The following MRPS23 variants were observed in gnomAD, a reference collection of about 807,000 sequenced individuals.
MRPS23 encodes mitochondrial ribosomal protein S23.
In MRPS23, 14 loss-of-function variants were observed where a neutral mutation model predicts 19.8. The observed-to-expected ratio is 0.71, with a 90% CI of 0.47 to 1.11. The LOEUF is 1.11. Ranked by LOEUF, MRPS23 falls within the 50% of genes least tolerant of loss-of-function variation. MRPS23 has a pLI of 0.00. For missense variants in MRPS23, 242 were observed against 236.7 expected, an observed-to-expected ratio of 1.02 and a Z score of -0.15; for synonymous variants, 113 against 89.7, an observed-to-expected ratio of 1.26 and a Z score of -1.47.
In MRPS23 at chr17:57,848,410, T is replaced by C. The variant is rs1415497508; in HGVS notation, c.215+830A>G. ...CAAATTCCTAGTGATTGTCTCTCTC[T>C]GTCGCCCAGGCTGGAGTGCAGTGGT... On this transcript the variant is annotated intron_variant, in intron 2 of 4. Coordinates refer to ENST00000313608, the MANE Select transcript of MRPS23 (RefSeq NM_016070.4). 2.6e-5 allele frequency among the ~76,000 whole-genome samples: 4 copies of C among 152,126 alleles called. No individual in the cohort carries two copies. In the East Asian group the frequency reaches 7.7e-4, roughly 29 times the overall value.
At chr17:57,839,999 G>GAT (rs2073730960) in intron 4 of MRPS23, 64 bp from the exon 5 acceptor site, 6 of 1,580,764 alleles carry the variant, frequency 3.8e-6, no homozygotes, top group Non-Finnish European at 5.2e-6. Context: ...ATTCGCTAAA[G>GAT]ATATATAACT....
At chr17:57,839,959 C>T (rs1225442362) in intron 4 of MRPS23, 24 bp from the exon 5 acceptor site, 2 of 1,611,068 alleles carry the variant, frequency 1.2e-6, no homozygotes, top group East Asian at 2.2e-5. Context: ...ATTTAAGTAT[C>T]ACAGAGATGT....
chr17:57,839,939 A>C lies in MRPS23; in HGVS notation c.421-4T>G, dbSNP rs767800246. 1.5e-5 allele frequency: 25 copies of C among 1,614,038 alleles called. No homozygotes were observed. Among genetic ancestry groups the C allele is most frequent in the Non-Finnish European group, 2.1e-5 (25 of 1,179,874 alleles). ...AAACGTGACTACCTCCGTGTTGCTT[A>C]AAAGACCAGATTTAAGTATCACAGA... On this transcript the variant is annotated splice_region_variant and splice_polypyrimidine_tract_variant and intron_variant, in intron 4 of 4. Transcript: ENST00000313608.
intron 2 of MRPS23, among the ~76,000 whole-genome samples, chr17:57,848,453 CA>C (rs2073790572): frequency 6.6e-6 from 1 of 152,002 alleles, no homozygotes; most frequent in Admixed American, 6.6e-5. Flanking sequence ...CGGCTCACTG[CA>C]ACCTCCACCT....
chr17:57,840,971 T>C lies in MRPS23; in HGVS notation c.375A>G (p.Leu125=). 1.2e-6 allele frequency: 2 copies of C among 1,614,194 alleles called. No homozygotes were observed. Among genetic ancestry groups the C allele is most frequent in the South Asian group, 2.2e-5 (2 of 91,082 alleles). The part of the protein sequence containing the change: ...EKLFVETGKA[L]LAEGVILRRV... ...GTCTTAAAATGACACCTTCTGCCAA[T>C]AAAGCCTTCCCTGTTTCCACAAATA... The change falls in exon 4 of 5, where the codon TTA becomes TTG. Residue 125 remains leucine, a synonymous_variant. Transcript: ENST00000313608.
chr17:57,840,119 G>A (rs998850270), intron 4 of MRPS23, among the ~76,000 whole-genome samples, 184 bp from the exon 5 acceptor site: 2 of 152,232 alleles, frequency 1.3e-5, no homozygotes, highest in African/African-American at 4.8e-5. Context: ...CGGGCGTGGT[G>A]GCTCACGCCT....
rs11304363 is a variant in MRPS23, at chr17:57,835,952, C to CTTTTTTTTTTTTTTTTTTTT, written c.*3830_*3831insAAAAAAAAAAAAAAAAAAAA. The CTTTTTTTTTTTTTTTTTTTT allele has an allele frequency of 5.9e-5, 8 of 135,256 alleles. 3 individuals carry two copies. Among genetic ancestry groups the CTTTTTTTTTTTTTTTTTTTT allele is most frequent in the Non-Finnish European group, 1.1e-4 (7 of 62,630 alleles). 8.4% of individuals were successfully genotyped at this position (135,256 alleles called of 1,614,324 possible). ...ATAAGAATTTCTGCCCTCCTTTATACTTTTTTTTTTTTTTTTTTTGAGACA... is the reference window on the plus strand; with the variant it reads ...ATAAGAATTTCTGCCCTCCTTTATACTTTTTTTTTTTTTTTTTTTTTTTTTTTTTTTTTTTTTTTGAGACA... On this transcript the variant is annotated 3_prime_UTR_variant, in exon 5 of 5. Transcript: ENST00000313608.
intron 2 of MRPS23, 34 bp from the exon 3 acceptor site, chr17:57,841,294 G>T (rs561433782): frequency 1.9e-6 from 3 of 1,579,942 alleles, no homozygotes; most frequent in Non-Finnish European, 2.6e-6. Context: ...ATAAATCTCC[G>T]ATTATAGACT....
Position 57,838,346 on chromosome 17 carries a change from C to CA in MRPS23, c.*1436dup, listed in dbSNP as rs1450598816. The CA allele has an allele frequency of 6.2e-5, 4 of 64,832 alleles. No individual in the cohort carries two copies. Among genetic ancestry groups the CA allele is most frequent in the Admixed American group, 6.0e-4 (4 of 6,656 alleles). The allele number at this position is 64,832 out of a possible 1,614,324, so 4.0% of individuals were successfully genotyped here. A position where few individuals can be genotyped will look rare whatever the true frequency, so the allele number is the denominator to read the frequency against. ...AAAATCTACAGAGGAGGAAAACAAA[C>CA]AAAAATAGCAAAAATGGGACATCAA... is the stretch of plus-strand genomic sequence containing the variant. On this transcript the variant is annotated 3_prime_UTR_variant, in exon 5 of 5. Transcript: ENST00000313608.
At position 57,836,587 on chromosome 17, in the gene MRPS23, A is replaced by G. The variant is rs2073707198; in HGVS notation, c.*3196T>C. On this transcript the variant is annotated 3_prime_UTR_variant, in exon 5 of 5. Transcript: ENST00000313608. ...ACTGATTCCTTGCCCCTGAACCTCTACTGTACTTTTATATCAAAGTTTAAA... is the reference window on the plus strand; with the variant it reads ...ACTGATTCCTTGCCCCTGAACCTCTGCTGTACTTTTATATCAAAGTTTAAA... The G allele has an allele frequency of 6.6e-6, 1 of 151,896 alleles. No homozygotes were observed. The highest frequency in any genetic ancestry group is 1.5e-5 in the Non-Finnish European group (1 of 67,992). The allele number at this position is 151,896 out of a possible 1,614,324, so 9.4% of individuals were successfully genotyped here.
At position 57,849,430 on chromosome 17, in the gene MRPS23, G is replaced by A. The variant is rs368950842; in HGVS notation, c.45-20C>T. 10 of 1,610,108 alleles carry A rather than the reference G, an allele frequency of 6.2e-6. No homozygotes were observed. The highest frequency in any genetic ancestry group is 1.3e-5 in the African/African-American group (1 of 74,786). On this transcript the variant is annotated intron_variant, in intron 1 of 4. Coordinates refer to ENST00000313608, the MANE Select transcript of MRPS23 (RefSeq NM_016070.4). Reference sequence around the variant, plus strand: ...CGAGTCCTTAGGGAGGGAACAGAACGAAACTGGGTCACTTGCAGTAGCCTG... The same window carrying A: ...CGAGTCCTTAGGGAGGGAACAGAACAAAACTGGGTCACTTGCAGTAGCCTG...
At chr17:57,848,841 T>C (rs1478355715) in intron 2 of MRPS23, 1 of 152,764 alleles carries the variant, frequency 6.5e-6, no homozygotes, top group Non-Finnish European at 1.4e-5. Context: ...CCCTCCTATA[T>C]ATTTAGTAAT....
Position 57,839,824 on chromosome 17 carries a change from C to T in MRPS23, c.532G>A (p.Glu178Lys), listed in dbSNP as rs776275630. The T allele has an allele frequency of 1.9e-6, 3 of 1,614,196 alleles. No homozygotes were observed. In the Admixed American group the frequency reaches 5.0e-5, roughly 27 times the overall value. ...CCTTTCGACTGGTCTGCAGGTGCCTCCAAATGCTGGTCCTGTGGAACTTCT... is the reference window on the plus strand; with the variant it reads ...CCTTTCGACTGGTCTGCAGGTGCCTTCAAATGCTGGTCCTGTGGAACTTCT... The part of the protein sequence containing the change: ...QKEVPQDQHL[E>K]APADQSKGLL... The change falls in exon 5 of 5, where the codon GAG (glutamate) becomes AAG (lysine). Residue 178 changes from glutamate (E) to lysine (K), a missense_variant. Physicochemically the swap from Glu to Lys is moderately conservative, Grantham distance 56. Coordinates refer to ENST00000313608, the MANE Select transcript of MRPS23 (RefSeq NM_016070.4).
chr17:57,849,489 G>C, intron 1 of MRPS23, 79 bp from the exon 2 acceptor site: 2 of 1,525,690 alleles, frequency 1.3e-6, no homozygotes, highest in Admixed American at 3.9e-5. Flanking sequence ...CACAGTTTGG[G>C]ACATTAAAGG....
rs576274937 is a variant in MRPS23, at chr17:57,837,426, T to G, written c.*2357A>C. The G allele has an allele frequency of 6.6e-6, 1 of 152,330 alleles. No individual in the cohort carries two copies. The highest frequency in any genetic ancestry group is 2.1e-4 in the South Asian group (1 of 4,826). The allele number at this position is 152,330 out of a possible 1,614,324, so 9.4% of individuals were successfully genotyped here. A position where few individuals can be genotyped will look rare whatever the true frequency, so the allele number is the denominator to read the frequency against. ...ACATTTTCTTCAATCGGGCACTGAT[T>G]AAATCACAGTGGATCTCTGAGACAT... On this transcript the variant is annotated 3_prime_UTR_variant, in exon 5 of 5. Coordinates refer to ENST00000313608, the MANE Select transcript of MRPS23 (RefSeq NM_016070.4).
chr17:57,849,781 G>C (rs2073800008), intron 1 of MRPS23, 186 bp downstream of exon 1: 1 of 690,062 alleles, frequency 1.4e-6, no homozygotes, highest in South Asian at 2.0e-5. Context: ...TAAATTCAAG[G>C]AGAGGCATCC....
intron 2 of MRPS23, among the ~76,000 whole-genome samples, chr17:57,846,532 A>T (rs537120933): frequency 6.6e-6 from 1 of 152,384 alleles, no homozygotes; most frequent in East Asian, 1.9e-4. Flanking sequence ...CTGTGTGGAA[A>T]GAGGTAGACA....
At chr17:57,848,608 C>G (rs2073791645) in intron 2 of MRPS23, 1 of 151,928 alleles carries the variant, frequency 6.6e-6, no homozygotes, top group South Asian at 2.1e-4. Context: ...CTCCTGACTT[C>G]AGGTGATCCG....
At position 57,849,811 on chromosome 17, in the gene MRPS23, G is replaced by A. The variant is rs1003911796; in HGVS notation, c.44+156C>T. On this transcript the variant is annotated intron_variant, in intron 1 of 4. Transcript: ENST00000313608. Reference sequence around the variant, plus strand: ...GCATCCTCAGGCACAACTATTCGGAGCCAGGAGAAAACATGAGAGGGCCTC... The same window carrying A: ...GCATCCTCAGGCACAACTATTCGGAACCAGGAGAAAACATGAGAGGGCCTC... 5 of 855,396 alleles carry A rather than the reference G, an allele frequency of 5.8e-6. No individual in the cohort carries two copies. In the African/African-American group the frequency reaches 8.6e-5, roughly 15 times the overall value. 53.0% of individuals were successfully genotyped at this position (855,396 alleles called of 1,614,324 possible). A position where few individuals can be genotyped will look rare whatever the true frequency, so the allele number is the denominator to read the frequency against.
Sources: gnomAD v4.1 joint callset for allele counts (sites outside exome capture counted in the v4.1 genomes callset) on GRCh38, gnomAD v4.1.1 for gene constraint, MANE v1.5 for transcripts, NCBI Gene and HGNC (gene_info 2026-07-23, HGNC 2026-07-21) for gene names.